EPHA5: variants seen among roughly 807,000 people sequenced by gnomAD.
The protein encoded by EPHA5 is ephrin type-A receptor 5.
A neutral mutation model predicts 105.0 loss-of-function variants in EPHA5; 60 were observed. The ratio of observed to expected loss-of-function variants is 0.57; its 90% CI spans 0.46 to 0.71. The LOEUF is 0.71. EPHA5 is among the 30% of genes least tolerant of loss of function. EPHA5 has a pLI of 0.00. For missense variants in EPHA5, 1,218 were observed against 1,274.7 expected (o/e 0.96, Z 0.68); for synonymous variants, 513 against 449.1 (o/e 1.14, Z -1.80).
At chr4:65,461,347 A>G (rs1013704922) in intron 5 of EPHA5, among the ~76,000 whole-genome samples, 1 of 151,982 alleles carries the variant, frequency 6.6e-6, no homozygotes, top group Non-Finnish European at 1.5e-5. Flanking sequence ...ATTCACATGT[A>G]TTAAAAGGAT....
At chr4:65,409,671 T>G (rs1371867382) in intron 7 of EPHA5, among the ~76,000 whole-genome samples, 1 of 152,176 alleles carries the variant, frequency 6.6e-6, no homozygotes. Context: ...GATCCTTCTC[T>G]CACAGCAATA....
intron 3 of EPHA5, among the ~76,000 whole-genome samples, chr4:65,580,112 G>A (rs1741470073): frequency 6.6e-6 from 1 of 151,718 alleles, no homozygotes; most frequent in Non-Finnish European, 1.5e-5. Flanking sequence ...AAGTTCTAAA[G>A]GTTAAATAAT....
intron 16 of EPHA5, among the ~76,000 whole-genome samples, chr4:65,329,369 G>T (rs1046051704): frequency 6.6e-6 from 1 of 151,294 alleles, no homozygotes; most frequent in East Asian, 2.0e-4. Context: ...ATACATGCAC[G>T]TACTGGCAAC....
intron 8 of EPHA5, among the ~76,000 whole-genome samples, chr4:65,374,734 GA>G (rs1176768892): frequency 1.3e-5 from 2 of 151,796 alleles, no homozygotes; most frequent in African/African-American, 2.4e-5. Flanking sequence ...TTCAAGACAC[GA>G]AAAACAATGG....
At chr4:65,496,423 C>A (rs1251755385) in intron 3 of EPHA5, among the ~76,000 whole-genome samples, 7 of 142,362 alleles carry the variant, frequency 4.9e-5, no homozygotes, top group African/African-American at 1.8e-4. Context: ...TATTCCCCTT[C>A]CTGTGTCCAT....
intron 3 of EPHA5, chr4:65,573,976 T>C (rs1360696958): frequency 1.3e-5 from 20 of 1,589,056 alleles, no homozygotes; most frequent in African/African-American, 2.7e-5. Context: ...GCTAGTGGCT[T>C]ATTACTTGTG....
intron 5 of EPHA5, among the ~76,000 whole-genome samples, chr4:65,446,906 G>T (rs540874504): frequency 1.3e-5 from 2 of 151,028 alleles, no homozygotes; most frequent in South Asian, 4.2e-4. Context: ...TTTATTCTAA[G>T]ACCAACTGGT....
intron 14 of EPHA5, 135 bp downstream of exon 14, chr4:65,347,919 A>G: frequency 8.7e-6 from 8 of 921,688 alleles, no homozygotes; most frequent in Non-Finnish European, 1.3e-5. Context: ...CAACAACACA[A>G]AACAGATCAG....
chr4:65,554,832 A>G (rs565541951), intron 3 of EPHA5, among the ~76,000 whole-genome samples: 2 of 151,878 alleles, frequency 1.3e-5, no homozygotes, highest in Non-Finnish European at 2.9e-5. Flanking sequence ...GCCTATGTAT[A>G]TACTTGAGAG....
At chr4:65,566,892 T>A (rs966964810) in intron 3 of EPHA5, among the ~76,000 whole-genome samples, 4 of 151,840 alleles carry the variant, frequency 2.6e-5, no homozygotes, top group Non-Finnish European at 5.9e-5. Flanking sequence ...TTTTAAAAAA[T>A]TTTTATAACG....
rs11443682 is a variant in EPHA5, at chr4:65,427,185, C to CTTT, written c.1403-6623_1403-6621dup. 4.5e-3 allele frequency among the ~76,000 whole-genome samples: 581 copies of CTTT among 129,056 alleles called. 14 individuals are homozygous for CTTT. Among genetic ancestry groups the CTTT allele is most frequent in the African/African-American group, 0.015 (533 of 34,474 alleles). 84.7% of individuals were successfully genotyped at this position (129,056 alleles called of 152,430 possible). On this transcript the variant is annotated intron_variant, in intron 5 of 16. Coordinates refer to ENST00000613740, the MANE Select transcript of EPHA5 (RefSeq NM_001281766.3). ...AGTAATTATAAAACTCGAGTGTATT[C>CTTT]TTTTTTTTTTTTTTTTTGAGATGGA...
Position 65,366,061 on chromosome 4 carries a change from T to C in EPHA5, c.1862-4A>G. 1.3e-6 allele frequency: 2 copies of C among 1,592,494 alleles called. No homozygotes were observed. The highest frequency in any genetic ancestry group is 1.7e-6 in the Non-Finnish European group (2 of 1,164,096). ...GTTCTTACTCCTGGCAGTTTAACTG[T>C]AAATATAAATTGGCATTAAAACAGA... On this transcript the variant is annotated splice_region_variant and splice_polypyrimidine_tract_variant and intron_variant, in intron 9 of 16. Coordinates refer to ENST00000613740, the MANE Select transcript of EPHA5 (RefSeq NM_001281766.3).
At position 65,329,988 on chromosome 4, in the gene EPHA5, A is replaced by G. The variant is rs1399831820; in HGVS notation, c.2945+1985T>C. Among the ~76,000 whole-genome samples, 4 of 151,416 alleles carry G rather than the reference A, an allele frequency of 2.6e-5. No individual in the cohort carries two copies. In the Admixed American group the frequency reaches 2.6e-4, roughly 10 times the overall value. On this transcript the variant is annotated intron_variant, in intron 16 of 16. Transcript: ENST00000613740. ...CAGAAAACAAAGTGGCATGTAGTTA[A>G]ATTTAAAGGGCCTGGAGTTGCCCCA... is the stretch of plus-strand genomic sequence containing the variant.
intron 3 of EPHA5, among the ~76,000 whole-genome samples, chr4:65,526,185 C>T (rs1352323188): frequency 1.3e-5 from 2 of 151,824 alleles, no homozygotes; most frequent in African/African-American, 4.8e-5. Flanking sequence ...AAAAGGGTCA[C>T]TATTGATACT....
At chr4:65,351,294 T>C (rs1419724205) in intron 13 of EPHA5, 95 bp downstream of exon 13, 2 of 1,132,150 alleles carry the variant, frequency 1.8e-6, no homozygotes, top group East Asian at 2.4e-5. Flanking sequence ...TTTTTGACTT[T>C]GTTGCAGGAA....
chr4:65,392,542 G>T (rs773867390), intron 8 of EPHA5, among the ~76,000 whole-genome samples: 1 of 152,022 alleles, frequency 6.6e-6, no homozygotes, highest in Non-Finnish European at 1.5e-5. Flanking sequence ...AGTTATTGCT[G>T]CTTGACGTCA....
At chr4:65,373,870 T>C (rs960994574) in intron 8 of EPHA5, among the ~76,000 whole-genome samples, 2 of 151,532 alleles carry the variant, frequency 1.3e-5, no homozygotes, top group African/African-American at 4.8e-5. Flanking sequence ...TGAAACCTAA[T>C]GAATGAAGAA....
At chr4:65,529,394 C>T (rs1735548213) in intron 3 of EPHA5, among the ~76,000 whole-genome samples, 4 of 150,874 alleles carry the variant, frequency 2.7e-5, no homozygotes, top group Admixed American at 2.6e-4. Context: ...ATATGTATAC[C>T]TATGTTTATC....
At chr4:65,563,991 A>T (rs186428139) in intron 3 of EPHA5, among the ~76,000 whole-genome samples, 1 of 152,098 alleles carries the variant, frequency 6.6e-6, no homozygotes, top group Non-Finnish European at 1.5e-5. Flanking sequence ...AGTATCCTTT[A>T]TCAAAGGATT....
Sources: gnomAD v4.1 joint callset for allele counts (sites outside exome capture counted in the v4.1 genomes callset) on GRCh38, gnomAD v4.1.1 for gene constraint, MANE v1.5 for transcripts, NCBI Gene and HGNC (gene_info 2026-07-23, HGNC 2026-07-21) for gene names.